Variants in AOPEP observed in about 807,000 individuals in gnomAD.
AOPEP encodes the protein aminopeptidase O (putative).
Under a neutral mutation model 98.1 loss-of-function variants are expected in AOPEP, and 77 were observed. The observed-to-expected ratio is 0.78, with a 90% CI of 0.65 to 0.95. The LOEUF (loss-of-function observed/expected upper bound fraction) is 0.95. Among genes scored for constraint, AOPEP ranks in the 40% least tolerant of loss-of-function variants. The pLI is 0.00. For synonymous variants in AOPEP, 346 were observed against 365.3 expected, an observed-to-expected ratio of 0.95 and a Z score of 0.60; for missense variants, 1,024 against 1,024.7, an observed-to-expected ratio of 1.00 and a Z score of 0.01.
chr9:94,885,847 A>C (rs1194361451), intron 5 of AOPEP, among the ~76,000 whole-genome samples: 4 of 152,212 alleles, frequency 2.6e-5, no homozygotes, highest in East Asian at 1.9e-4. Flanking sequence ...CTGTATGAAA[A>C]GTATTATAAA....
At chr9:94,949,384 C>T (rs571144667) in intron 7 of AOPEP, among the ~76,000 whole-genome samples, 53 of 152,272 alleles carry the variant, frequency 3.5e-4, no homozygotes, top group Admixed American at 3.2e-3. Context: ...GCAGCCGACC[C>T]GGGACGCTGA....
At chr9:94,838,539 A>G (rs1425246713) in intron 5 of AOPEP, among the ~76,000 whole-genome samples, 1 of 152,118 alleles carries the variant, frequency 6.6e-6, no homozygotes. Context: ...CTCCAACTTT[A>G]TTGTTCTTTT....
At chr9:94,949,840 G>A (rs575394360) in intron 7 of AOPEP, among the ~76,000 whole-genome samples, 1 of 152,336 alleles carries the variant, frequency 6.6e-6, no homozygotes, top group African/African-American at 2.4e-5. Flanking sequence ...TTACCCAGAG[G>A]TGTCTTCGTG....
intron 14 of AOPEP, among the ~76,000 whole-genome samples, chr9:95,069,296 G>T (rs1371363265): frequency 6.6e-6 from 1 of 152,226 alleles, no homozygotes; most frequent in Non-Finnish European, 1.5e-5. Flanking sequence ...GAGGGAAGGG[G>T]ACGAGTGTCT....
chr9:95,107,558 G>A, the AOPEP span: 236 of 520,064 alleles, frequency 4.5e-4, 1 homozygote, highest in African/African-American at 4.0e-3. Context: ...TCAACAGAAT[G>A]TAGTCAGATT....
intron 13 of AOPEP, among the ~76,000 whole-genome samples, chr9:95,036,659 TTCC>T (rs1329047276): frequency 6.6e-6 from 1 of 151,326 alleles, no homozygotes; most frequent in Non-Finnish European, 1.5e-5. Flanking sequence ...CCTCCTCTTC[TTCC>T]TCCTCCTCTT....
chr9:94,793,408 G>A (rs1165466653), intron 4 of AOPEP, among the ~76,000 whole-genome samples: 1 of 148,388 alleles, frequency 6.7e-6, no homozygotes, highest in Non-Finnish European at 1.5e-5. Flanking sequence ...GGCTGGGCGT[G>A]GTGGCTCAGG....
chr9:95,055,012 T>C (rs1007997861), intron 13 of AOPEP, among the ~76,000 whole-genome samples: 1 of 152,238 alleles, frequency 6.6e-6, no homozygotes, highest in Non-Finnish European at 1.5e-5. Context: ...CTTTAAAATA[T>C]GTTAAGTTTT....
chr9:95,137,511 T>G, the AOPEP span, among the ~76,000 whole-genome samples: 2 of 152,092 alleles, frequency 1.3e-5, no homozygotes, highest in African/African-American at 2.4e-5. Context: ...GGCAAAGCCC[T>G]GCCATGGTGC....
intron 13 of AOPEP, among the ~76,000 whole-genome samples, chr9:95,048,556 C>A (rs899325951): frequency 2.6e-5 from 4 of 152,064 alleles, no homozygotes; most frequent in African/African-American, 9.7e-5. Flanking sequence ...CACGGCCCAC[C>A]CCTCCGGCCG....
At chr9:94,928,864 C>A in intron 7 of AOPEP, 1 of 231,094 alleles carries the variant, frequency 4.3e-6, no homozygotes, top group Non-Finnish European at 8.4e-6. Flanking sequence ...GACAGTAAAC[C>A]TATAAAGCCA....
Position 94,850,381 on chromosome 9 carries a change from A to G in AOPEP, c.1364+49379A>G, listed in dbSNP as rs553831122. Among the ~76,000 whole-genome samples the G allele has an allele frequency of 9.8e-5, 15 of 152,350 alleles. No homozygotes were observed. The East Asian group carries it at 2.9e-3, about 29-fold the overall frequency. ...GATGTGGTCCTGCCTGTTGGCTGTT[A>G]TAACCCATGGCGGACACTACAGAAA... On this transcript the variant is annotated intron_variant, in intron 5 of 16. Coordinates refer to ENST00000375315, the MANE Select transcript of AOPEP (RefSeq NM_001193329.3).
At chr9:94,997,486 G>C (rs1345554665) in intron 11 of AOPEP, among the ~76,000 whole-genome samples, 2 of 152,152 alleles carry the variant, frequency 1.3e-5, no homozygotes, top group Non-Finnish European at 2.9e-5. Context: ...TAAGGCAGTG[G>C]TTCTCAATGC....
At chr9:94,747,532 T>C (rs754565632) in intron 1 of AOPEP, among the ~76,000 whole-genome samples, 2 of 151,984 alleles carry the variant, frequency 1.3e-5, no homozygotes, top group Non-Finnish European at 2.9e-5. Context: ...AAAAGAAAAA[T>C]AAATAGGCAT....
chr9:94,828,875 GTT>G (rs11291910), intron 5 of AOPEP, among the ~76,000 whole-genome samples: 19 of 143,232 alleles, frequency 1.3e-4, no homozygotes, highest in African/African-American at 2.6e-4. Context: ...TCTTCTTACT[GTT>G]TTTTTTTTTG....
intron 5 of AOPEP, among the ~76,000 whole-genome samples, chr9:94,806,383 CT>C (rs1267693252): frequency 6.6e-6 from 1 of 152,122 alleles, no homozygotes; most frequent in Non-Finnish European, 1.5e-5. Flanking sequence ...TAACTCTTCT[CT>C]GCTTTTTCAA....
At chr9:94,920,313 A>G in intron 5 of AOPEP, 1 of 153,258 alleles carries the variant, frequency 6.5e-6, no homozygotes, top group Non-Finnish European at 1.5e-5. Flanking sequence ...ACAAGAGGGA[A>G]ACTCCGTCTC....
intron 14 of AOPEP, among the ~76,000 whole-genome samples, chr9:95,066,454 A>C (rs2067901131): frequency 6.6e-6 from 1 of 152,262 alleles, no homozygotes; most frequent in Non-Finnish European, 1.5e-5. Flanking sequence ...AAGAAGAAGC[A>C]AGCCATGGAC....
intron 5 of AOPEP, chr9:94,900,378 C>T (rs905070107): frequency 6.6e-6 from 1 of 152,312 alleles, no homozygotes; most frequent in African/African-American, 2.4e-5. Flanking sequence ...GGCCAAAACA[C>T]CATCCTTCCC....
Sources: allele counts gnomAD v4.1 joint callset (sites outside exome capture counted in the v4.1 genomes callset), GRCh38; gene constraint gnomAD v4.1.1; transcripts MANE v1.5; gene names NCBI Gene and HGNC (gene_info 2026-07-23, HGNC 2026-07-21).